MTMR14: variants seen among roughly 807,000 people sequenced by gnomAD.
MTMR14 encodes the protein myotubularin related protein 14, also known as phosphatidylinositol-3,5-bisphosphate 3-phosphatase MTMR14.
Under a neutral mutation model 86.3 loss-of-function variants are expected in MTMR14, and 48 were observed. That is an observed-to-expected ratio of 0.56 (90% CI 0.44 to 0.71). The LOEUF (loss-of-function observed/expected upper bound fraction) is 0.71, where lower values mean the gene tolerates loss of function less well. MTMR14 is among the 30% of genes least tolerant of loss of function. The pLI is 0.00. For synonymous variants in MTMR14, 366 were observed against 326.1 expected (o/e 1.12, Z -1.32); for missense variants, 780 against 834.6 (o/e 0.93, Z 0.81).
chr3:9,700,746 G>T (rs1559626223), intron 18 of MTMR14: 1 of 152,244 alleles, frequency 6.6e-6, no homozygotes, highest in South Asian at 2.1e-4. Flanking sequence ...CAGACAGTGG[G>T]TTCTTCCAGG....
At chr3:9,686,839 T>C (rs2075975275) in intron 13 of MTMR14, among the ~76,000 whole-genome samples, 1 of 152,164 alleles carries the variant, frequency 6.6e-6, no homozygotes, top group Non-Finnish European at 1.5e-5. Context: ...AATGGAAGCC[T>C]GGTGTGTGCT....
intron 10 of MTMR14, among the ~76,000 whole-genome samples, chr3:9,683,993 T>A (rs1040518607): frequency 1.3e-5 from 2 of 152,162 alleles, no homozygotes; most frequent in Non-Finnish European, 2.9e-5. Context: ...TAAGTGCCCA[T>A]CCTTGAACTA....
Position 9,653,638 on chromosome 3 carries a change from G to T in MTMR14, c.177G>T (p.Lys59Asn). ...CTGTGCAGGTTGAGCGCATTGAGAA[G>T]AGATGTCTGGAGCTGTTTGGCCGAG... The part of the protein sequence containing the change: ...TGGSKVERIE[K>N]RCLELFGRDY... The change falls in exon 2 of 19, where the codon AAG (lysine) becomes AAT (asparagine). Residue 59 changes from lysine (K) to asparagine (N), a missense_variant. By Grantham distance (94) the Lys-to-Asn change is moderately conservative (BLOSUM62 0). Coordinates refer to ENST00000296003, the MANE Select transcript of MTMR14 (RefSeq NM_001077525.3). 1 of 1,614,138 alleles carries T rather than the reference G, an allele frequency of 6.2e-7. No homozygotes were observed. The highest frequency in any genetic ancestry group is 8.5e-7 in the Non-Finnish European group (1 of 1,180,038).
chr3:9,679,664 A>T (rs1254999798), intron 9 of MTMR14, among the ~76,000 whole-genome samples: 1 of 152,142 alleles, frequency 6.6e-6, no homozygotes, highest in Admixed American at 6.5e-5. Flanking sequence ...TGAACAGATG[A>T]CCTCACTTCC....
At chr3:9,684,007 G>A (rs190916801) in intron 10 of MTMR14, among the ~76,000 whole-genome samples, 12 of 152,238 alleles carry the variant, frequency 7.9e-5, no homozygotes, top group East Asian at 1.9e-4. Context: ...TGAACTAGTC[G>A]CTGGAGGGAG....
chr3:9,696,585 G>A (rs1575088670), intron 17 of MTMR14, among the ~76,000 whole-genome samples: 1 of 152,232 alleles, frequency 6.6e-6, no homozygotes, highest in Admixed American at 6.5e-5. Flanking sequence ...TACAGATGGG[G>A]ATGGTTAAGG....
intron 13 of MTMR14, among the ~76,000 whole-genome samples, chr3:9,685,570 C>G (rs1189338010): frequency 6.6e-6 from 1 of 152,200 alleles, no homozygotes; most frequent in Non-Finnish European, 1.5e-5. Flanking sequence ...ACCCCATCCT[C>G]TAAGGCCTTT....
intron 16 of MTMR14, 28 bp downstream of exon 16, chr3:9,689,110 A>C (rs2076058612): frequency 6.2e-7 from 1 of 1,605,306 alleles, no homozygotes; most frequent in African/African-American, 1.3e-5. Flanking sequence ...GACCAAGGTC[A>C]CTCACAGCTG....
At chr3:9,668,511 TGG>T (rs1379634173) in intron 3 of MTMR14, among the ~76,000 whole-genome samples, 2 of 152,202 alleles carry the variant, frequency 1.3e-5, no homozygotes, top group Non-Finnish European at 2.9e-5. Flanking sequence ...GCCTCTTGTT[TGG>T]GAGTGAGACT....
At chr3:9,650,331 T>G (rs1188158890) in intron 1 of MTMR14, 1 of 456,680 alleles carries the variant, frequency 2.2e-6, no homozygotes, top group Admixed American at 2.3e-5. Context: ...CACCCAGTCG[T>G]CTTATCGCCA....
In MTMR14 at chr3:9,677,196, G is replaced by A; in HGVS notation, c.752-121G>A. On this transcript the variant is annotated intron_variant, in intron 7 of 18. Coordinates refer to ENST00000296003, the MANE Select transcript of MTMR14 (RefSeq NM_001077525.3). This position sits in a 1 kb window ranked among gnomAD's most constrained non-coding sequence, Gnocchi z 4.2. Reference sequence around the variant, plus strand: ...TTGGCCTCACTGAAGCCACTAGCTTGGAGAAGTGTGAGTTGGCGGCCCCCT... The same window carrying A: ...TTGGCCTCACTGAAGCCACTAGCTTAGAGAAGTGTGAGTTGGCGGCCCCCT... The A allele has an allele frequency of 1.2e-6, 1 of 834,742 alleles. No individual in the cohort carries two copies. Among genetic ancestry groups the A allele is most frequent in the Non-Finnish European group, 2.0e-6 (1 of 499,086 alleles). 51.7% of individuals were successfully genotyped at this position (834,742 alleles called of 1,614,324 possible).
intron 7 of MTMR14, chr3:9,675,538 T>C (rs1401336739): frequency 2.2e-6 from 1 of 456,732 alleles, no homozygotes; most frequent in African/African-American, 2.0e-5. Context: ...ATCGTTTCTT[T>C]CAGCACACCA....
chr3:9,694,602 A>G (rs1034564466), intron 17 of MTMR14, among the ~76,000 whole-genome samples: 9 of 152,222 alleles, frequency 5.9e-5, no homozygotes, highest in African/African-American at 2.2e-4. Context: ...ACGAATGCTC[A>G]GTAAACTGTA....
intron 2 of MTMR14, among the ~76,000 whole-genome samples, chr3:9,658,804 A>T (rs1298441508): frequency 6.6e-6 from 1 of 152,220 alleles, no homozygotes; most frequent in African/African-American, 2.4e-5. Flanking sequence ...GGGGTACATT[A>T]TAGGAACAAG....
chr3:9,687,763 C>T, intron 13 of MTMR14, 58 bp from the exon 14 acceptor site: 1 of 1,480,632 alleles, frequency 6.8e-7, no homozygotes, highest in Admixed American at 2.0e-5. Context: ...CCGCCCTCCC[C>T]TGGGAGTTCT....
chr3:9,658,919 G>A (rs1347250755), intron 2 of MTMR14, among the ~76,000 whole-genome samples: 1 of 152,222 alleles, frequency 6.6e-6, no homozygotes, highest in Non-Finnish European at 1.5e-5. Flanking sequence ...GCTGGGCATG[G>A]TGGCTCACGC....
intron 14 of MTMR14, among the ~76,000 whole-genome samples, chr3:9,688,367 G>A (rs901506935): frequency 1.3e-5 from 2 of 152,240 alleles, no homozygotes; most frequent in Non-Finnish European, 2.9e-5. Flanking sequence ...TAGGACCCCT[G>A]TAAGAGTTGG....
intron 5 of MTMR14, among the ~76,000 whole-genome samples, chr3:9,670,249 G>A (rs1013083373): frequency 7.2e-5 from 11 of 152,206 alleles, no homozygotes; most frequent in Non-Finnish European, 1.6e-4. Context: ...CTATGCCCAG[G>A]TTCTGCCTGT....
chr3:9,691,646 C>T (rs1452094203), intron 17 of MTMR14, among the ~76,000 whole-genome samples: 4 of 152,216 alleles, frequency 2.6e-5, no homozygotes, highest in African/African-American at 9.6e-5. Flanking sequence ...CATCTCCTGC[C>T]TGCCAAAAGA....
Sources: allele counts gnomAD v4.1 joint callset (sites outside exome capture counted in the v4.1 genomes callset), GRCh38; gene constraint gnomAD v4.1.1; non-coding constraint Gnocchi (gnomAD v3.1); transcripts MANE v1.5; gene names NCBI Gene and HGNC (gene_info 2026-07-23, HGNC 2026-07-21).